Variants in CSMD1 observed in about 807,000 individuals in gnomAD.
The protein encoded by CSMD1 is CUB and Sushi multiple domains 1, also known as CUB and sushi domain-containing protein 1.
A neutral mutation model predicts 417.5 loss-of-function variants in CSMD1; 213 were observed. That is an observed-to-expected ratio of 0.51 (90% CI 0.46 to 0.57). CSMD1 has a LOEUF of 0.57. CSMD1 is among the 20% of genes least tolerant of loss of function. CSMD1 has a pLI of 0.00. For synonymous variants in CSMD1, 2,862 were observed against 1,736.8 expected (o/e 1.65, Z -16.11); for missense variants, 6,923 against 4,529.7 (o/e 1.53, Z -15.17).
chr8:4,475,820 C>G (rs1048386180), intron 2 of CSMD1, among the ~76,000 whole-genome samples: 1 of 152,024 alleles, frequency 6.6e-6, no homozygotes, highest in Non-Finnish European at 1.5e-5. Context: ...ATTATGTTGA[C>G]CAGGCTGGTC....
chr8:3,321,139 C>A (rs1321102720), intron 23 of CSMD1, among the ~76,000 whole-genome samples: 1 of 152,108 alleles, frequency 6.6e-6, no homozygotes, highest in African/African-American at 2.4e-5. Context: ...GCCCCCTGCA[C>A]CCACCATCAG....
At position 3,610,329 on chromosome 8, in the gene CSMD1, T is replaced by A. The variant is rs778811124; in HGVS notation, c.1097+6381A>T. On this transcript the variant is annotated intron_variant, in intron 8 of 69. Coordinates refer to ENST00000635120, the MANE Select transcript of CSMD1 (RefSeq NM_033225.6). ...GGGAGGACTGCTTGAGGCCAGGAGTTAGAAACCAGCCTAGGCAACACAGCG... is the reference window on the plus strand; with the variant it reads ...GGGAGGACTGCTTGAGGCCAGGAGTAAGAAACCAGCCTAGGCAACACAGCG... 2.0e-5 allele frequency among the ~76,000 whole-genome samples: 3 copies of A among 152,148 alleles called. No homozygotes were observed. In the East Asian group the frequency reaches 5.8e-4, roughly 29 times the overall value.
intron 21 of CSMD1, among the ~76,000 whole-genome samples, chr8:3,352,026 A>G (rs1347376244): frequency 6.6e-6 from 1 of 152,084 alleles, no homozygotes; most frequent in African/African-American, 2.4e-5. Context: ...GTGGAAGTCA[A>G]TAAGAAAATA....
chr8:4,448,470 T>G (rs1039621728), intron 2 of CSMD1, among the ~76,000 whole-genome samples: 1 of 152,174 alleles, frequency 6.6e-6, no homozygotes, highest in Non-Finnish European at 1.5e-5. Flanking sequence ...TTAAATACTT[T>G]CCCAGACAAC....
chr8:4,759,314 G>A (rs917422897), intron 1 of CSMD1, among the ~76,000 whole-genome samples: 2 of 152,172 alleles, frequency 1.3e-5, no homozygotes, highest in African/African-American at 4.8e-5. Flanking sequence ...GAGGGCATCT[G>A]GTCTGAAAGC....
chr8:3,978,215 G>A (rs955583383), intron 5 of CSMD1, among the ~76,000 whole-genome samples: 2 of 152,176 alleles, frequency 1.3e-5, no homozygotes, highest in Admixed American at 6.5e-5. Flanking sequence ...TCACTGCTGT[G>A]TGCTAGGATT....
chr8:4,161,524 G>A (rs924489628), intron 3 of CSMD1, among the ~76,000 whole-genome samples: 6 of 152,188 alleles, frequency 3.9e-5, no homozygotes, highest in Non-Finnish European at 5.9e-5. Context: ...AGCTGAACAC[G>A]CAAAGTCCAC....
At chr8:3,447,847 C>T (rs992813406) in intron 12 of CSMD1, among the ~76,000 whole-genome samples, 6 of 152,026 alleles carry the variant, frequency 3.9e-5, no homozygotes, top group Admixed American at 6.5e-5. Flanking sequence ...TGGAGGCCAT[C>T]GGAGGTGTCT....
chr8:3,990,621 A>C (rs1346344269), intron 5 of CSMD1, among the ~76,000 whole-genome samples: 1 of 152,198 alleles, frequency 6.6e-6, no homozygotes, highest in Non-Finnish European at 1.5e-5. Context: ...ACTTTATTGA[A>C]ACTCTGGTAT....
At chr8:4,362,173 G>A (rs941475447) in intron 3 of CSMD1, among the ~76,000 whole-genome samples, 1 of 152,166 alleles carries the variant, frequency 6.6e-6, no homozygotes, top group Non-Finnish European at 1.5e-5. Context: ...CATGAGTACA[G>A]TGAAGAAAAA....
intron 2 of CSMD1, among the ~76,000 whole-genome samples, chr8:4,513,463 T>C (rs1285789750): frequency 6.6e-6 from 1 of 152,172 alleles, no homozygotes; most frequent in Non-Finnish European, 1.5e-5. Context: ...ATCCCAATTC[T>C]TTCATACCCA....
At chr8:3,966,742 C>CAG (rs1812699798) in intron 5 of CSMD1, among the ~76,000 whole-genome samples, 1 of 102,270 alleles carries the variant, frequency 9.8e-6, no homozygotes, top group Non-Finnish European at 2.0e-5. Flanking sequence ...GACACACACA[C>CAG]ACACACACAC....
At chr8:3,920,359 T>TG (rs56406995) in intron 5 of CSMD1, among the ~76,000 whole-genome samples, 7,736 of 150,332 alleles carry the variant, frequency 0.051, 366 homozygotes, top group African/African-American at 0.12. Flanking sequence ...GCGTGTGTGT[T>TG]TGTGTGTGTG....
intron 5 of CSMD1, among the ~76,000 whole-genome samples, chr8:3,812,791 T>G (rs766463128): frequency 4.6e-5 from 7 of 152,222 alleles, no homozygotes; most frequent in African/African-American, 7.2e-5. Flanking sequence ...TAGTAGCTAT[T>G]GAATTAACTG....
At chr8:4,578,379 C>T (rs1232081600) in intron 2 of CSMD1, among the ~76,000 whole-genome samples, 3 of 128,822 alleles carry the variant, frequency 2.3e-5, no homozygotes, top group Non-Finnish European at 4.7e-5. Context: ...CGGGGTTTCA[C>T]CGTGTTAGCC....
At chr8:3,794,280 T>C (rs1206145275) in intron 5 of CSMD1, among the ~76,000 whole-genome samples, 2 of 152,192 alleles carry the variant, frequency 1.3e-5, no homozygotes, top group African/African-American at 2.4e-5. Context: ...TCCCTTAGTA[T>C]TCCTAGGTGT....
At chr8:3,857,857 T>C (rs1804422543) in intron 5 of CSMD1, among the ~76,000 whole-genome samples, 1 of 152,220 alleles carries the variant, frequency 6.6e-6, no homozygotes, top group Admixed American at 6.5e-5. Flanking sequence ...TTACCTTTGC[T>C]GAGTGAGAGA....
rs1803411418 is a variant in CSMD1, at chr8:4,520,919, CATT to C, written c.303-100857_303-100855del. Among the ~76,000 whole-genome samples, 3 of 152,044 alleles carry C rather than the reference CATT, an allele frequency of 2.0e-5. No individual in the cohort carries two copies. The South Asian group carries it at 6.2e-4, about 31-fold the overall frequency. On this transcript the variant is annotated intron_variant, in intron 2 of 69. Transcript: ENST00000635120. ...GAAATATTTTGGACACATGGGTTAA[CATT>C]ATTAAAATTAGTCATATCAGTTATG...
chr8:2,990,281 C>T (rs115961725), intron 54 of CSMD1, among the ~76,000 whole-genome samples: 3,840 of 152,220 alleles, frequency 0.025, 169 homozygotes, highest in African/African-American at 0.087. Flanking sequence ...TGTAGATGTG[C>T]GGATTTCATG....
Sources: allele counts gnomAD v4.1 joint callset (sites outside exome capture counted in the v4.1 genomes callset), GRCh38; gene constraint gnomAD v4.1.1; transcripts MANE v1.5; gene names NCBI Gene and HGNC (gene_info 2026-07-23, HGNC 2026-07-21).